NAP1L1: variants seen among roughly 807,000 people sequenced by gnomAD.
The protein encoded by NAP1L1 is nucleosome assembly protein 1-like 1.
Under a neutral mutation model 58.9 loss-of-function variants are expected in NAP1L1, and 9 were observed. That is an observed-to-expected ratio of 0.15 (90% confidence interval 0.09 to 0.27). The LOEUF is 0.27. Ranked by LOEUF, NAP1L1 falls within the 10% of genes least tolerant of loss-of-function variation. The probability of loss-of-function intolerance (pLI) is 1.00; values close to 1 mark genes in which losing one functional copy is unlikely to be tolerated. For missense variants in NAP1L1, 302 were observed against 458.8 expected (o/e 0.66, Z 3.12); for synonymous variants, 130 against 138.3 (o/e 0.94, Z 0.42).
chr12:76,064,995 AC>A (rs1267863890), intron 4 of NAP1L1, among the ~76,000 whole-genome samples: 4 of 152,120 alleles, frequency 2.6e-5, no homozygotes, highest in Non-Finnish European at 5.9e-5. Context: ...GTTAAATATT[AC>A]CACTTCCTGA....
intron 6 of NAP1L1, chr12:76,058,192 TACA>T: frequency 5.4e-6 from 1 of 185,256 alleles, no homozygotes; most frequent in Non-Finnish European, 1.0e-5. Context: ...GAGAGAGGCC[TACA>T]TATATATATA....
chr12:76,082,511 A>C (rs1353639315), intron 1 of NAP1L1, among the ~76,000 whole-genome samples: 4 of 152,208 alleles, frequency 2.6e-5, no homozygotes. Flanking sequence ...TATAGTGAAA[A>C]CTTTTAAATT....
chr12:76,077,243 GA>G (rs1950214384), intron 1 of NAP1L1, among the ~76,000 whole-genome samples: 1 of 152,160 alleles, frequency 6.6e-6, no homozygotes, highest in Admixed American at 6.5e-5. Flanking sequence ...ACATTAACAG[GA>G]GGCATTTACT....
intron 1 of NAP1L1, among the ~76,000 whole-genome samples, chr12:76,079,767 T>C (rs1324645614): frequency 6.6e-6 from 1 of 151,708 alleles, no homozygotes; most frequent in East Asian, 1.9e-4. Context: ...CACTGCAGCC[T>C]TGACCTCACA....
intron 6 of NAP1L1, chr12:76,057,363 C>T: frequency 2.5e-6 from 1 of 394,598 alleles, no homozygotes; most frequent in Middle Eastern, 7.9e-4. Flanking sequence ...GGTTGAATAA[C>T]AGTTCATCTG....
chr12:76,054,373 A>G (rs956553576), intron 8 of NAP1L1, among the ~76,000 whole-genome samples: 1 of 152,172 alleles, frequency 6.6e-6, no homozygotes, highest in African/African-American at 2.4e-5. Flanking sequence ...TGAGCCCCAA[A>G]TTATGTTAAA....
chr12:76,056,679 T>C (rs955308003), intron 6 of NAP1L1: 1 of 441,816 alleles, frequency 2.3e-6, no homozygotes, highest in African/African-American at 2.1e-5. Context: ...CAGCCTACCA[T>C]GAAGTTAAAA....
intron 13 of NAP1L1, chr12:76,049,541 A>C: frequency 6.5e-7 from 1 of 1,534,494 alleles, no homozygotes; most frequent in Non-Finnish European, 8.7e-7. Context: ...GCAGAACAAA[A>C]TTATTTGAAA....
At chr12:76,063,824 T>C (rs113271872) in intron 4 of NAP1L1, among the ~76,000 whole-genome samples, 1 of 141,670 alleles carries the variant, frequency 7.1e-6, no homozygotes, top group Non-Finnish European at 1.5e-5. Context: ...ACACTGATAC[T>C]AGAGGAAGAC....
At chr12:76,073,113 GT>G (rs1340314492) in intron 2 of NAP1L1, among the ~76,000 whole-genome samples, 1 of 151,288 alleles carries the variant, frequency 6.6e-6, no homozygotes, top group African/African-American at 2.4e-5. Flanking sequence ...CACTCTTCTC[GT>G]TTTTTTTAAT....
At chr12:76,076,424 A>C (rs1245525597) in intron 1 of NAP1L1, among the ~76,000 whole-genome samples, 1 of 152,030 alleles carries the variant, frequency 6.6e-6, no homozygotes, top group Non-Finnish European at 1.5e-5. Flanking sequence ...TTATAAACTT[A>C]GTACTATAAT....
chr12:76,061,128 C>T (rs974365838), intron 4 of NAP1L1: 2 of 355,530 alleles, frequency 5.6e-6, no homozygotes, highest in Non-Finnish European at 1.1e-5. Flanking sequence ...AGATAAAGTT[C>T]ATACACCATA....
intron 4 of NAP1L1, among the ~76,000 whole-genome samples, chr12:76,064,517 C>T (rs1949571919): frequency 6.6e-6 from 1 of 151,654 alleles, no homozygotes; most frequent in African/African-American, 2.4e-5. Flanking sequence ...ATTTAAAAAA[C>T]TGGAAAGAAT....
At chr12:76,052,006 T>C (rs1202993827) in intron 11 of NAP1L1, among the ~76,000 whole-genome samples, 2 of 151,632 alleles carry the variant, frequency 1.3e-5, no homozygotes, top group Non-Finnish European at 1.5e-5. Flanking sequence ...AGAGCAATAC[T>C]TCATCTCAAA....
intron 1 of NAP1L1, 173 bp from the exon 2 acceptor site, chr12:76,074,412 T>C (rs534189091): frequency 1.1e-6 from 1 of 943,630 alleles, no homozygotes; most frequent in East Asian, 1.2e-4. Flanking sequence ...TGCAAATTCT[T>C]CCTTACTAGT....
At position 76,074,132 on chromosome 12, in the gene NAP1L1, T is replaced by G. The variant is rs1042113583; in HGVS notation, c.17+71A>C. The G allele has an allele frequency of 4.9e-6, 6 of 1,232,800 alleles. No homozygotes were observed. In the East Asian group the frequency reaches 1.4e-4, roughly 29 times the overall value. 76.4% of individuals were successfully genotyped at this position (1,232,800 alleles called of 1,614,324 possible). On this transcript the variant is annotated intron_variant, in intron 2 of 14. Coordinates refer to ENST00000618691, the MANE Select transcript of NAP1L1 (RefSeq NM_004537.7). ...CATTTTCATAATATATAATTCATAC[T>G]ACTTGCTGTTAAGAACAGAGTACAA...
chr12:76,042,793 A>C lies in NAP1L1; in HGVS notation c.*5636T>G, dbSNP rs781664533. On this transcript the variant is annotated 3_prime_UTR_variant, in exon 15 of 15. Coordinates refer to ENST00000618691, the MANE Select transcript of NAP1L1 (RefSeq NM_004537.7). Reference sequence around the variant, plus strand: ...TCTAAGTAATACTCCCTATTCTAAGAAGCCAGCAATCCTTGGAGAAATGGC... The same window carrying C: ...TCTAAGTAATACTCCCTATTCTAAGCAGCCAGCAATCCTTGGAGAAATGGC... 6.6e-6 allele frequency: 1 copy of C among 152,198 alleles called. No individual in the cohort carries two copies. Among genetic ancestry groups the C allele is most frequent in the Non-Finnish European group, 1.5e-5 (1 of 68,040 alleles). The allele number at this position is 152,198 out of a possible 1,614,324, so 9.4% of individuals were successfully genotyped here. A position where few individuals can be genotyped will look rare whatever the true frequency, so the allele number is the denominator to read the frequency against.
Position 76,048,371 on chromosome 12 carries a change from A to G in NAP1L1, c.*58T>C. On this transcript the variant is annotated 3_prime_UTR_variant, in exon 15 of 15. Coordinates refer to ENST00000618691, the MANE Select transcript of NAP1L1 (RefSeq NM_004537.7). ...AAAAACATAAGGCTGTAAGTAAATA[A>G]GAGTTGTGTTTAGGCTATTACAGTG... is the stretch of plus-strand genomic sequence containing the variant. 1 of 1,574,146 alleles carries G rather than the reference A, an allele frequency of 6.4e-7. No homozygotes were observed. The highest frequency in any genetic ancestry group is 8.7e-7 in the Non-Finnish European group (1 of 1,151,864).
intron 7 of NAP1L1, 92 bp from the exon 8 acceptor site, chr12:76,055,182 A>G (rs1949025110): frequency 3.6e-6 from 3 of 837,026 alleles, no homozygotes; most frequent in East Asian, 2.8e-5. Flanking sequence ...GAGACATAAT[A>G]TATTTCAAAG....
Sources: gnomAD v4.1 joint callset for allele counts (sites outside exome capture counted in the v4.1 genomes callset) on GRCh38, gnomAD v4.1.1 for gene constraint, MANE v1.5 for transcripts, NCBI Gene and HGNC (gene_info 2026-07-23, HGNC 2026-07-21) for gene names.